FGF12: variants seen among roughly 807,000 people sequenced by gnomAD.
FGF12 encodes the protein fibroblast growth factor 12B.
A neutral mutation model predicts 23.6 loss-of-function variants in FGF12; 14 were observed. The ratio of observed to expected loss-of-function variants is 0.59; its 90% confidence interval spans 0.39 to 0.93. The LOEUF is 0.93. Among genes scored for constraint, FGF12 ranks in the 40% least tolerant of loss-of-function variants. FGF12 has a pLI of 0.00. For missense variants in FGF12, 175 were observed against 217.8 expected, an observed-to-expected ratio of 0.80 and a Z score of 1.24; for synonymous variants, 62 against 77.3, an observed-to-expected ratio of 0.80 and a Z score of 1.04.
At chr3:192,407,184 G>A (rs1720988178) in intron 2 of FGF12, among the ~76,000 whole-genome samples, 1 of 152,152 alleles carries the variant, frequency 6.6e-6, no homozygotes, top group Admixed American at 6.5e-5. Flanking sequence ...ATCATCTGCG[G>A]TCGGGGCTGC....
chr3:192,335,643 A>G (rs1246473496), intron 3 of FGF12, among the ~76,000 whole-genome samples, 179 bp from the exon 4 acceptor site: 1 of 152,164 alleles, frequency 6.6e-6, no homozygotes, highest in Non-Finnish European at 1.5e-5. Flanking sequence ...CACCAGCATT[A>G]ATTACCTATG....
chr3:192,720,557 G>A (rs1378290086), intron 2 of FGF12, among the ~76,000 whole-genome samples: 1 of 152,192 alleles, frequency 6.6e-6, no homozygotes, highest in Non-Finnish European at 1.5e-5. Flanking sequence ...ATAAGGAGAT[G>A]AGGAAGATGA....
intron 2 of FGF12, among the ~76,000 whole-genome samples, chr3:192,604,092 C>A (rs1471074391): frequency 6.6e-6 from 1 of 152,232 alleles, no homozygotes; most frequent in East Asian, 1.9e-4. Context: ...CCTACTTGCA[C>A]GTTCATTTAT....
chr3:192,712,264 A>C (rs1718712923), intron 2 of FGF12, among the ~76,000 whole-genome samples: 1 of 151,836 alleles, frequency 6.6e-6, no homozygotes, highest in African/African-American at 2.4e-5. Context: ...AGAATACCAG[A>C]ACAAAACAAC....
intron 4 of FGF12, among the ~76,000 whole-genome samples, chr3:192,211,093 C>T (rs1717906641): frequency 6.6e-6 from 1 of 152,126 alleles, no homozygotes; most frequent in African/African-American, 2.4e-5. Context: ...TGGATTCCCA[C>T]CACTAAGGAG....
At chr3:192,183,405 G>C (rs1716287604) in intron 4 of FGF12, among the ~76,000 whole-genome samples, 1 of 152,058 alleles carries the variant, frequency 6.6e-6, no homozygotes, top group African/African-American at 2.4e-5. Flanking sequence ...AGTTCTGATG[G>C]CACTGAAAAG....
Position 192,158,387 on chromosome 3 carries a change from C to CT in FGF12, c.427+12070dup, listed in dbSNP as rs1247832229. On this transcript the variant is annotated intron_variant, in intron 5 of 5. Coordinates refer to ENST00000445105, the MANE Select transcript of FGF12 (RefSeq NM_004113.6). Reference sequence around the variant, plus strand: ...CTTTCTTTCTTTCTTTCTTTCTTTTCTTTCTCTCTCTTTCTTTTTCTTTCT... The same window carrying CT: ...CTTTCTTTCTTTCTTTCTTTCTTTTCTTTTCTCTCTCTTTCTTTTTCTTTCT... Among the ~76,000 whole-genome samples, 42 of 71,744 alleles carry CT rather than the reference C, an allele frequency of 5.9e-4. 1 individual carries two copies. The highest frequency in any genetic ancestry group is 1.7e-3 in the African/African-American group (16 of 9,526). The allele number at this position is 71,744 out of a possible 152,430, so 47.1% of individuals were successfully genotyped here. A position where few individuals can be genotyped will look rare whatever the true frequency, so the allele number is the denominator to read the frequency against.
In FGF12 at chr3:192,139,948, T is replaced by C. The variant is rs897658592; in HGVS notation, c.*4061A>G. On this transcript the variant is annotated 3_prime_UTR_variant, in exon 6 of 6. Transcript: ENST00000445105. The stretch of plus-strand genomic sequence containing the variant: ...AAGTATAGATTTCTAAGATAACTTT[T>C]TGTAACTAAAAAATAATTTCCTGTG... The C allele has an allele frequency of 1.3e-5, 2 of 152,016 alleles. No individual in the cohort carries two copies. Among genetic ancestry groups the C allele is most frequent in the African/African-American group, 4.8e-5 (2 of 41,412 alleles). The allele number at this position is 152,016 out of a possible 1,614,324, so 9.4% of individuals were successfully genotyped here.
At chr3:192,195,405 C>A (rs1717014489) in intron 4 of FGF12, among the ~76,000 whole-genome samples, 1 of 152,194 alleles carries the variant, frequency 6.6e-6, no homozygotes, top group African/African-American at 2.4e-5. Context: ...AGCACATGTG[C>A]AAATGGTGGT....
chr3:192,673,708 G>T (rs558265443), intron 2 of FGF12, among the ~76,000 whole-genome samples: 1 of 151,304 alleles, frequency 6.6e-6, no homozygotes, highest in African/African-American at 2.4e-5. Context: ...CCCCTGCAAA[G>T]GACATGATCT....
At chr3:192,357,226 G>A (rs1718511776) in intron 3 of FGF12, among the ~76,000 whole-genome samples, 1 of 152,318 alleles carries the variant, frequency 6.6e-6, no homozygotes, top group Non-Finnish European at 1.5e-5. Flanking sequence ...ACTCACGCCT[G>A]TAATCCCAGC....
intron 2 of FGF12, among the ~76,000 whole-genome samples, chr3:192,475,758 G>A (rs1723299033): frequency 6.6e-6 from 1 of 152,152 alleles, no homozygotes; most frequent in Non-Finnish European, 1.5e-5. Flanking sequence ...TCTCGTGATA[G>A]GGAAATTCAC....
chr3:192,343,544 A>G (rs13090973), intron 3 of FGF12, among the ~76,000 whole-genome samples: 34,945 of 151,988 alleles, frequency 0.23, 4,184 homozygotes, highest in Admixed American at 0.3. Context: ...GTTATTTATA[A>G]TTTACTTAAG....
chr3:192,202,216 A>T (rs1424714295), intron 4 of FGF12, among the ~76,000 whole-genome samples: 1 of 152,246 alleles, frequency 6.6e-6, no homozygotes, highest in Non-Finnish European at 1.5e-5. Context: ...TGAAGGAAAC[A>T]GCAAAAGAAA....
chr3:192,432,087 C>T (rs1335418525), intron 2 of FGF12, among the ~76,000 whole-genome samples: 2 of 152,132 alleles, frequency 1.3e-5, no homozygotes, highest in Non-Finnish European at 2.9e-5. Flanking sequence ...CTCTTAATTC[C>T]CATTCTTCAA....
chr3:192,484,264 C>G (rs181398145), intron 2 of FGF12, among the ~76,000 whole-genome samples: 1 of 143,218 alleles, frequency 7.0e-6, no homozygotes, highest in African/African-American at 2.6e-5. Flanking sequence ...TGCAAAAGAA[C>G]ACTCAACAAC....
intron 2 of FGF12, among the ~76,000 whole-genome samples, chr3:192,573,261 T>C (rs188458514): frequency 5.5e-4 from 84 of 151,726 alleles, no homozygotes; most frequent in African/African-American, 1.9e-3. Context: ...AAAAGGATAG[T>C]CAATATACCT....
intron 4 of FGF12, among the ~76,000 whole-genome samples, chr3:192,227,968 T>C (rs768060056): frequency 2.6e-5 from 4 of 152,162 alleles, no homozygotes; most frequent in Non-Finnish European, 5.9e-5. Flanking sequence ...TAAAAGTTTG[T>C]TTGTTTAGAA....
At position 192,408,649 on chromosome 3, in the gene FGF12, G is replaced by A. The variant is rs1358186070; in HGVS notation, c.14-48111C>T. 1 of 1,029,196 alleles carries A rather than the reference G, an allele frequency of 9.7e-7. No individual in the cohort carries two copies. Among genetic ancestry groups the A allele is most frequent in the Non-Finnish European group, 1.2e-6 (1 of 857,136 alleles). The allele number at this position is 1,029,196 out of a possible 1,614,324, so 63.8% of individuals were successfully genotyped here. ...GTGCCTCTGTTGGAGAGGCGCAAGCGTTGTAAGGTGTCCAAAGTATACCTA... is the reference window on the plus strand; with the variant it reads ...GTGCCTCTGTTGGAGAGGCGCAAGCATTGTAAGGTGTCCAAAGTATACCTA... On this transcript the variant is annotated intron_variant, in intron 2 of 5. Transcript: ENST00000445105. The surrounding 1 kb of genome is among the most constrained non-coding windows in gnomAD (Gnocchi z 7.3).
Sources: allele counts gnomAD v4.1 joint callset (sites outside exome capture counted in the v4.1 genomes callset), GRCh38; gene constraint gnomAD v4.1.1; non-coding constraint Gnocchi (gnomAD v3.1); transcripts MANE v1.5; gene names NCBI Gene and HGNC (gene_info 2026-07-23, HGNC 2026-07-21).